SLC4A5: variants seen among roughly 807,000 people sequenced by gnomAD.
SLC4A5 encodes electrogenic sodium bicarbonate cotransporter 4.
SLC4A5 carries 96 observed loss-of-function variants against 120.4 expected under a neutral mutation model. The observed-to-expected ratio is 0.80, with a 90% confidence interval of 0.68 to 0.94. The LOEUF (loss-of-function observed/expected upper bound fraction) is 0.94. Ranked by LOEUF, SLC4A5 falls within the 40% of genes least tolerant of loss-of-function variation. The pLI is 0.00. For synonymous variants in SLC4A5, 550 were observed against 571.1 expected (o/e 0.96, Z 0.53); for missense variants, 1,259 against 1,459.5 (o/e 0.86, Z 2.24).
chr2:74,235,743 G>A (rs1670248523), intron 21 of SLC4A5, among the ~76,000 whole-genome samples: 1 of 152,122 alleles, frequency 6.6e-6, no homozygotes, highest in Non-Finnish European at 1.5e-5. Context: ...TCCACCAAGA[G>A]TCTCTTGTTC....
At chr2:74,245,441 C>T (rs1031040263) in intron 19 of SLC4A5, among the ~76,000 whole-genome samples, 1 of 152,204 alleles carries the variant, frequency 6.6e-6, no homozygotes, top group Non-Finnish European at 1.5e-5. Context: ...AATCTACAGT[C>T]TATAAGATAC....
chr2:74,253,437 C>G (rs1670856223), intron 14 of SLC4A5, among the ~76,000 whole-genome samples: 1 of 152,186 alleles, frequency 6.6e-6, no homozygotes, highest in African/African-American at 2.4e-5. Flanking sequence ...TATTAGAAAA[C>G]CTTTGTAGAG....
intron 2 of SLC4A5, among the ~76,000 whole-genome samples, chr2:74,340,625 T>C (rs1033035514): frequency 6.6e-6 from 1 of 151,464 alleles, no homozygotes; most frequent in African/African-American, 2.4e-5. Context: ...TTGAGGGGAG[T>C]AACAGAGGAG....
At chr2:74,312,044 A>G (rs1465946334) in intron 6 of SLC4A5, among the ~76,000 whole-genome samples, 1 of 152,104 alleles carries the variant, frequency 6.6e-6, no homozygotes, top group African/African-American at 2.4e-5. Context: ...CCCTTTTATC[A>G]TGATGCAATG....
At chr2:74,237,634 A>G (rs754112484) in intron 21 of SLC4A5, among the ~76,000 whole-genome samples, 1 of 152,198 alleles carries the variant, frequency 6.6e-6, no homozygotes, top group Non-Finnish European at 1.5e-5. Context: ...TAGCAGCTGT[A>G]ATACTTAGTT....
intron 8 of SLC4A5, among the ~76,000 whole-genome samples, chr2:74,266,961 T>C (rs748019538): frequency 2.6e-5 from 4 of 152,214 alleles, no homozygotes; most frequent in Non-Finnish European, 5.9e-5. Context: ...TTTATAACAA[T>C]GCTCCTTTGA....
chr2:74,293,100 ACT>A (rs763136337), intron 7 of SLC4A5, among the ~76,000 whole-genome samples: 1 of 151,670 alleles, frequency 6.6e-6, no homozygotes, highest in Non-Finnish European at 1.5e-5. Flanking sequence ...GATTCGGGTG[ACT>A]CCAGGCCACT....
At chr2:74,228,654 AC>A (rs1202917845) in intron 25 of SLC4A5, among the ~76,000 whole-genome samples, 2 of 99,214 alleles carry the variant, frequency 2.0e-5, no homozygotes, top group Admixed American at 2.0e-4. Flanking sequence ...AAACAAACAA[AC>A]CCCCCCGCCC....
At chr2:74,248,527 A>T (rs761909233) in intron 17 of SLC4A5, 41 bp from the exon 18 acceptor site, 69 of 1,610,180 alleles carry the variant, frequency 4.3e-5, no homozygotes, top group Non-Finnish European at 5.6e-5. Context: ...TAGGAAGGAG[A>T]AGCGGTCTCT....
chr2:74,280,365 C>T (rs546447892), intron 8 of SLC4A5, among the ~76,000 whole-genome samples: 26 of 152,268 alleles, frequency 1.7e-4, no homozygotes, highest in African/African-American at 6.0e-4. Flanking sequence ...TCACAGTGCC[C>T]CCATTACCAA....
At chr2:74,287,835 T>C (rs980576686) in intron 7 of SLC4A5, among the ~76,000 whole-genome samples, 1 of 152,030 alleles carries the variant, frequency 6.6e-6, no homozygotes, top group Non-Finnish European at 1.5e-5. Flanking sequence ...CCACCCTCTT[T>C]CTCTCAGCCT....
At chr2:74,274,082 TTAACA>T (rs1335042718) in intron 8 of SLC4A5, among the ~76,000 whole-genome samples, 2 of 152,244 alleles carry the variant, frequency 1.3e-5, no homozygotes, top group African/African-American at 2.4e-5. Flanking sequence ...TGCTAAGCAC[TTAACA>T]TGTATTATCT....
At chr2:74,304,119 G>A (rs1169389528) in intron 7 of SLC4A5, among the ~76,000 whole-genome samples, 2 of 152,146 alleles carry the variant, frequency 1.3e-5, no homozygotes, top group African/African-American at 4.8e-5. Flanking sequence ...AAAGTGCTGG[G>A]ATTACAGGCG....
At chr2:74,257,500 G>A (rs1207993092) in intron 12 of SLC4A5, among the ~76,000 whole-genome samples, 1 of 152,126 alleles carries the variant, frequency 6.6e-6, no homozygotes, top group Non-Finnish European at 1.5e-5. Context: ...GATACGGGCT[G>A]GGCAGGAGCA....
intron 4 of SLC4A5, among the ~76,000 whole-genome samples, chr2:74,329,368 T>C (rs762751199): frequency 2.0e-5 from 3 of 152,078 alleles, no homozygotes; most frequent in Non-Finnish European, 4.4e-5. Flanking sequence ...GGCGGGCAGA[T>C]CACCTGAGTT....
At chr2:74,322,037 T>C (rs1673112255) in intron 5 of SLC4A5, among the ~76,000 whole-genome samples, 1 of 152,088 alleles carries the variant, frequency 6.6e-6, no homozygotes, top group Non-Finnish European at 1.5e-5. Flanking sequence ...CCTTGAGACT[T>C]TGAGATAAAG....
intron 30 of SLC4A5, among the ~76,000 whole-genome samples, chr2:74,219,834 G>A (rs571365428): frequency 6.6e-5 from 10 of 152,300 alleles, no homozygotes; most frequent in Non-Finnish European, 1.2e-4. Context: ...CTGGGGAAGT[G>A]GGATGAGAAG....
chr2:74,251,664 G>A (rs1049546948), intron 16 of SLC4A5, among the ~76,000 whole-genome samples: 1 of 152,204 alleles, frequency 6.6e-6, no homozygotes, highest in African/African-American at 2.4e-5. Context: ...AGAGGAAAGT[G>A]CTCTGTGAAG....
intron 24 of SLC4A5, 30 bp from the exon 25 acceptor site, chr2:74,231,338 T>C (rs375486832): frequency 6.3e-7 from 1 of 1,599,006 alleles, no homozygotes; most frequent in Non-Finnish European, 8.5e-7. Flanking sequence ...GGTCAGGGTG[T>C]ACCAGGAAAT....
Sources: gnomAD v4.1 joint callset for allele counts (sites outside exome capture counted in the v4.1 genomes callset) on GRCh38, gnomAD v4.1.1 for gene constraint, MANE v1.5 for transcripts, NCBI Gene and HGNC (gene_info 2026-07-23, HGNC 2026-07-21) for gene names.